The following ENG variants were observed in gnomAD, a reference collection of about 807,000 sequenced individuals.
ENG encodes the protein endoglin.
In ENG, 17 loss-of-function variants were observed where a neutral mutation model predicts 71.0. The ratio of observed to expected loss-of-function variants is 0.24; its 90% confidence interval spans 0.16 to 0.36. ENG has a LOEUF of 0.36. Among genes scored for constraint, ENG ranks in the 10% least tolerant of loss-of-function variants. The pLI is 1.00. For synonymous variants in ENG, 360 were observed against 366.9 expected (o/e 0.98, Z 0.21); for missense variants, 749 against 868.3 (o/e 0.86, Z 1.73).
At chr9:127,818,592 G>A in intron 11 of ENG, 124 bp downstream of exon 11, 1 of 1,377,974 alleles carries the variant, frequency 7.3e-7, no homozygotes, top group Middle Eastern at 1.9e-4. Context: ...CCTCTCCCGT[G>A]CACCCAGGCT....
chr9:127,828,252 C>T (rs1057274074), intron 3 of ENG, among the ~76,000 whole-genome samples: 4 of 152,104 alleles, frequency 2.6e-5, no homozygotes, highest in Admixed American at 6.6e-5. Flanking sequence ...GAACCCAGCC[C>T]GCGGAATGGG....
Position 127,818,112 on chromosome 9 carries a change from C to T in ENG, c.1686+8G>A, listed in dbSNP as rs372670034. 5 of 1,613,974 alleles carry T rather than the reference C, an allele frequency of 3.1e-6. No individual in the cohort carries two copies. The Middle Eastern group carries it at 6.6e-4, about 212-fold the overall frequency. ...CTTGAAGCTGGGGCCGGCCCAGGCC[C>T]CACTCACCTGGTCTTGAGACCCGGT... On this transcript the variant is annotated splice_region_variant and intron_variant, in intron 12 of 14. Transcript: ENST00000373203.
rs1471181019 is a variant in ENG, at chr9:127,846,190, C to T, written c.68-2945G>A. On this transcript the variant is annotated intron_variant, in intron 1 of 14. Transcript: ENST00000373203. The surrounding 1 kb of genome is among the most constrained non-coding windows in gnomAD (Gnocchi z 5.5). ...ACCCCAACAAAATCAAGGGCTGGTG[C>T]CATCTCCTGTCTCCAGTCCCTCTGA... Among the ~76,000 whole-genome samples, 3 of 152,150 alleles carry T rather than the reference C, an allele frequency of 2.0e-5. No individual in the cohort carries two copies. Among genetic ancestry groups the T allele is most frequent in the Non-Finnish European group, 4.4e-5 (3 of 68,014 alleles).
At chr9:127,830,551 G>T (rs912482595) in intron 2 of ENG, among the ~76,000 whole-genome samples, 3 of 151,670 alleles carry the variant, frequency 2.0e-5, no homozygotes, top group East Asian at 1.9e-4. Context: ...GGAGGCTGAG[G>T]CAGGAGAATC....
In ENG at chr9:127,846,879, C is replaced by T. The variant is rs1392387772; in HGVS notation, c.68-3634G>A. The T allele has an allele frequency of 5.1e-6, 5 of 985,518 alleles. No homozygotes were observed. Among genetic ancestry groups the T allele is most frequent in the Admixed American group, 6.1e-5 (1 of 16,274 alleles). 61.0% of individuals were successfully genotyped at this position (985,518 alleles called of 1,614,324 possible). On this transcript the variant is annotated intron_variant, in intron 1 of 14. Coordinates refer to ENST00000373203, the MANE Select transcript of ENG (RefSeq NM_001114753.3). The surrounding 1 kb of genome is among the most constrained non-coding windows in gnomAD (Gnocchi z 5.5). ...AAGCCACCTCCCACCACTGTCCCCT[C>T]TCCACCCTCGCCACCCATGTGCACA...
chr9:127,816,429 A>G, intron 13 of ENG: 2 of 374,542 alleles, frequency 5.3e-6, no homozygotes, highest in African/African-American at 2.1e-5. Context: ...TGAGGCCTTT[A>G]GCAGGTAGAG....
chr9:127,835,064 T>C (rs1043162335), intron 2 of ENG, among the ~76,000 whole-genome samples: 1 of 152,020 alleles, frequency 6.6e-6, no homozygotes, highest in African/African-American at 2.4e-5. Flanking sequence ...TACAGTGGCG[T>C]GATTGCTCAC....
chr9:127,847,992 T>C lies in ENG; in HGVS notation c.68-4747A>G, dbSNP rs534104797. 3.3e-5 allele frequency among the ~76,000 whole-genome samples: 5 copies of C among 152,334 alleles called. No individual in the cohort carries two copies. The East Asian group carries it at 9.6e-4, about 29-fold the overall frequency. On this transcript the variant is annotated intron_variant, in intron 1 of 14. Transcript: ENST00000373203. The stretch of plus-strand genomic sequence containing the variant: ...TGACAGATGCCAAAGGTTCAGGTCC[T>C]GATTCTTCCACCTGCCAGCTGCCTT...
intron 1 of ENG, among the ~76,000 whole-genome samples, chr9:127,853,045 G>T (rs1020647427): frequency 1.3e-5 from 2 of 152,146 alleles, no homozygotes; most frequent in Non-Finnish European, 2.9e-5. Flanking sequence ...AAATGGGGAT[G>T]ATGATGGCAG....
At chr9:127,853,446 G>A (rs983236418) in intron 1 of ENG, among the ~76,000 whole-genome samples, 6 of 152,280 alleles carry the variant, frequency 3.9e-5, no homozygotes, top group African/African-American at 1.4e-4. Context: ...GTGGGACATG[G>A]GGCTGGGGGT....
intron 2 of ENG, among the ~76,000 whole-genome samples, chr9:127,831,885 G>A (rs1010739668): frequency 2.0e-5 from 3 of 151,240 alleles, no homozygotes; most frequent in African/African-American, 7.3e-5. Context: ...TAGAGATGGG[G>A]TTTCACTATG....
In ENG at chr9:127,825,370, A is replaced by G; in HGVS notation, c.690-13T>C. 1 of 1,608,028 alleles carries G rather than the reference A, an allele frequency of 6.2e-7. No individual in the cohort carries two copies. On this transcript the variant is annotated splice_polypyrimidine_tract_variant and intron_variant, in intron 5 of 14. Coordinates refer to ENST00000373203, the MANE Select transcript of ENG (RefSeq NM_001114753.3). ...CACCGTCCGGGGCCTGCGGGGAGACAGACGCGGATGGAACACTGAAGCGGA... is the reference window on the plus strand; with the variant it reads ...CACCGTCCGGGGCCTGCGGGGAGACGGACGCGGATGGAACACTGAAGCGGA...
chr9:127,840,846 C>T (rs925815389), intron 2 of ENG, among the ~76,000 whole-genome samples: 3 of 152,196 alleles, frequency 2.0e-5, no homozygotes, highest in African/African-American at 4.8e-5. Flanking sequence ...GAGGCAGAGG[C>T]TAACAGGGAG....
At chr9:127,817,392 C>T (rs1830351621) in intron 12 of ENG, 189 bp from the exon 13 acceptor site, 1 of 659,586 alleles carries the variant, frequency 1.5e-6, no homozygotes, top group African/African-American at 1.8e-5. Context: ...GTGGACGATC[C>T]CTGGCTGCTG....
intron 8 of ENG, among the ~76,000 whole-genome samples, chr9:127,820,386 G>A (rs1456665416): frequency 6.6e-6 from 1 of 151,202 alleles, no homozygotes; most frequent in Non-Finnish European, 1.5e-5. Flanking sequence ...GTAGAGATAG[G>A]GTTTCACCAT....
At chr9:127,852,939 G>A (rs41527247) in intron 1 of ENG, among the ~76,000 whole-genome samples, 1,960 of 152,272 alleles carry the variant, frequency 0.013, 43 homozygotes, top group African/African-American at 0.042. Flanking sequence ...TTACTGCAGC[G>A]ACAAATACGA....
At chr9:127,851,689 G>T (rs1831289283) in intron 1 of ENG, among the ~76,000 whole-genome samples, 1 of 151,870 alleles carries the variant, frequency 6.6e-6, no homozygotes, top group Non-Finnish European at 1.5e-5. Context: ...GGCCAGCCTG[G>T]CCAACATGGT....
In ENG at chr9:127,846,923, C is replaced by T. The variant is rs1831180769; in HGVS notation, c.68-3678G>A. ...GTGCACACAGCACCTCCCAGATTTC[C>T]AGAGGGCTACCTTCAGCACCTTGGA... On this transcript the variant is annotated intron_variant, in intron 1 of 14. Coordinates refer to ENST00000373203, the MANE Select transcript of ENG (RefSeq NM_001114753.3). This position sits in a 1 kb window ranked among gnomAD's most constrained non-coding sequence, Gnocchi z 5.5. 4 of 985,600 alleles carry T rather than the reference C, an allele frequency of 4.1e-6. No individual in the cohort carries two copies. The highest frequency in any genetic ancestry group is 4.8e-6 in the Non-Finnish European group (4 of 830,030). The allele number at this position is 985,600 out of a possible 1,614,324, so 61.1% of individuals were successfully genotyped here. A position where few individuals can be genotyped will look rare whatever the true frequency, so the allele number is the denominator to read the frequency against.
At chr9:127,817,782 C>T (rs573937607) in intron 12 of ENG, 1 of 457,332 alleles carries the variant, frequency 2.2e-6, no homozygotes, top group Non-Finnish European at 4.1e-6. Context: ...TGAGATTACA[C>T]TGGTGACCAT....
Sources: gnomAD v4.1 joint callset for allele counts (sites outside exome capture counted in the v4.1 genomes callset) on GRCh38, gnomAD v4.1.1 for gene constraint, Gnocchi (gnomAD v3.1) non-coding constraint, MANE v1.5 for transcripts, NCBI Gene and HGNC (gene_info 2026-07-23, HGNC 2026-07-21) for gene names.